Variants in MAML3 observed in about 807,000 individuals in gnomAD.
The protein encoded by MAML3 is mastermind like transcriptional coactivator 3.
In MAML3, 27 loss-of-function variants were observed where a neutral mutation model predicts 101.9. The observed-to-expected ratio is 0.27, with a 90% CI of 0.20 to 0.37. MAML3 has a LOEUF of 0.37. Among genes scored for constraint, MAML3 ranks in the 10% least tolerant of loss-of-function variants. The pLI, the probability that MAML3 is intolerant of heterozygous loss-of-function variation, is 1.00. For missense variants in MAML3, 1,316 were observed against 1,444.9 expected, an observed-to-expected ratio of 0.91 and a Z score of 1.45; for synonymous variants, 501 against 555.9, an observed-to-expected ratio of 0.90 and a Z score of 1.39.
chr4:140,024,590 G>T (rs1446578694), intron 1 of MAML3, among the ~76,000 whole-genome samples: 1 of 152,178 alleles, frequency 6.6e-6, no homozygotes, highest in Admixed American at 6.5e-5. Flanking sequence ...GACTCCAGCA[G>T]TCTTTGCTCT....
chr4:140,150,357 A>G (rs1390945181), intron 1 of MAML3, among the ~76,000 whole-genome samples: 1 of 152,130 alleles, frequency 6.6e-6, no homozygotes, highest in Non-Finnish European at 1.5e-5. Flanking sequence ...CTGCGAGTGT[A>G]TCACAAACCA....
At chr4:140,072,001 C>T (rs1443534819) in intron 1 of MAML3, among the ~76,000 whole-genome samples, 1 of 152,156 alleles carries the variant, frequency 6.6e-6, no homozygotes, top group Non-Finnish European at 1.5e-5. Flanking sequence ...GGAGAACAGA[C>T]AGCCTGTTGT....
chr4:139,782,042 G>A (rs1395439054), intron 2 of MAML3, among the ~76,000 whole-genome samples: 4 of 152,118 alleles, frequency 2.6e-5, no homozygotes, highest in African/African-American at 9.7e-5. Context: ...GGAGTGGAAG[G>A]GAGGGGACAA....
In MAML3 at chr4:139,719,092, G is replaced by A. The variant is rs1411865791; in HGVS notation, c.*231C>T. The A allele has an allele frequency of 1.4e-5, 7 of 502,440 alleles. No homozygotes were observed. The highest frequency in any genetic ancestry group is 9.7e-5 in the South Asian group (3 of 31,010). 31.1% of individuals were successfully genotyped at this position (502,440 alleles called of 1,614,324 possible). A position where few individuals can be genotyped will look rare whatever the true frequency, so the allele number is the denominator to read the frequency against. On this transcript the variant is annotated 3_prime_UTR_variant, in exon 5 of 5. Transcript: ENST00000509479. ...GCTCCTCCGGGTGTCTCCCTCTCTC[G>A]CAGCCGGGATCTGCATGGCGTCTCA...
chr4:139,818,646 G>A (rs1730928117), intron 2 of MAML3, among the ~76,000 whole-genome samples: 1 of 152,198 alleles, frequency 6.6e-6, no homozygotes, highest in Non-Finnish European at 1.5e-5. Context: ...GTCATTGTCA[G>A]AACGAAGGAA....
At chr4:139,783,333 A>G (rs942132371) in intron 2 of MAML3, among the ~76,000 whole-genome samples, 7 of 152,130 alleles carry the variant, frequency 4.6e-5, no homozygotes, top group African/African-American at 1.7e-4. Flanking sequence ...TCCTGGAGTC[A>G]GGTCCTAATT....
intron 2 of MAML3, among the ~76,000 whole-genome samples, chr4:139,849,942 T>C (rs1372738168): frequency 1.3e-5 from 2 of 152,214 alleles, no homozygotes; most frequent in Non-Finnish European, 2.9e-5. Flanking sequence ...ATGCTAACTA[T>C]AAACAAATAT....
At chr4:140,114,282 TCAC>T (rs1728484085) in intron 1 of MAML3, among the ~76,000 whole-genome samples, 1 of 152,206 alleles carries the variant, frequency 6.6e-6, no homozygotes, top group South Asian at 2.1e-4. Context: ...TGGAGAAATC[TCAC>T]CAGCTACTTT....
intron 2 of MAML3, among the ~76,000 whole-genome samples, chr4:139,755,380 G>A (rs548829343): frequency 1.3e-5 from 2 of 152,238 alleles, no homozygotes; most frequent in South Asian, 2.1e-4. Flanking sequence ...AGGCTGAGGC[G>A]GGTGGATCAC....
At chr4:139,862,638 C>T (rs950278912) in intron 2 of MAML3, among the ~76,000 whole-genome samples, 2 of 152,222 alleles carry the variant, frequency 1.3e-5, no homozygotes, top group African/African-American at 4.8e-5. Context: ...TCCTCCTCTT[C>T]ACTATCTCTG....
chr4:139,826,662 T>C (rs1731065841), intron 2 of MAML3, among the ~76,000 whole-genome samples: 1 of 152,190 alleles, frequency 6.6e-6, no homozygotes, highest in South Asian at 2.1e-4. Context: ...TGTAACATAA[T>C]TGCCTGCTAG....
At chr4:140,002,354 T>C (rs1330403652) in intron 1 of MAML3, among the ~76,000 whole-genome samples, 2 of 152,240 alleles carry the variant, frequency 1.3e-5, no homozygotes, top group African/African-American at 4.8e-5. Context: ...CTCTACCTGA[T>C]GTCTGCCCTG....
intron 2 of MAML3, among the ~76,000 whole-genome samples, chr4:139,779,773 T>C (rs1730165070): frequency 6.6e-6 from 1 of 152,118 alleles, no homozygotes; most frequent in South Asian, 2.1e-4. Flanking sequence ...TTTTGGAAAA[T>C]AAAAGTCATG....
chr4:139,731,947 A>C (rs1266765406), intron 2 of MAML3, among the ~76,000 whole-genome samples: 8 of 152,222 alleles, frequency 5.3e-5, no homozygotes, highest in African/African-American at 1.9e-4. Context: ...ACTACCTAGC[A>C]GTGGCAAGTA....
chr4:139,775,217 C>T (rs958869858), intron 2 of MAML3, among the ~76,000 whole-genome samples: 1 of 151,806 alleles, frequency 6.6e-6, no homozygotes, highest in African/African-American at 2.4e-5. Context: ...ATTTTCTCCT[C>T]CTTGACTGCA....
chr4:140,042,088 T>C lies in MAML3; in HGVS notation c.468+110772A>G, dbSNP rs139239411. Among the ~76,000 whole-genome samples, 202 of 152,314 alleles carry C rather than the reference T, an allele frequency of 1.3e-3. 1 individual carries two copies. Among genetic ancestry groups the C allele is most frequent in the African/African-American group, 4.5e-3 (189 of 41,572 alleles). On this transcript the variant is annotated intron_variant, in intron 1 of 4. Transcript: ENST00000509479. Reference sequence around the variant, plus strand: ...CATTTTACTAATAAGAAATAAGTAATGTACCCAAATTATGCAGTCAGGAAA... The same window carrying C: ...CATTTTACTAATAAGAAATAAGTAACGTACCCAAATTATGCAGTCAGGAAA...
intron 1 of MAML3, among the ~76,000 whole-genome samples, chr4:139,925,360 G>A (rs1002578346): frequency 6.6e-6 from 1 of 152,152 alleles, no homozygotes; most frequent in African/African-American, 2.4e-5. Flanking sequence ...CTCCTGAGTA[G>A]CTGAGATTAC....
At chr4:139,771,784 G>T (rs1446219129) in intron 2 of MAML3, among the ~76,000 whole-genome samples, 1 of 152,134 alleles carries the variant, frequency 6.6e-6, no homozygotes, top group African/African-American at 2.4e-5. Context: ...CAGGTGCTTT[G>T]AAGATGTAGC....
intron 2 of MAML3, among the ~76,000 whole-genome samples, chr4:139,796,249 G>T (rs1432955428): frequency 6.6e-6 from 1 of 152,150 alleles, no homozygotes. Flanking sequence ...ATCTACTAGG[G>T]CTTTATAGAG....
Sources: gnomAD v4.1 joint callset for allele counts (sites outside exome capture counted in the v4.1 genomes callset) on GRCh38, gnomAD v4.1.1 for gene constraint, MANE v1.5 for transcripts, NCBI Gene and HGNC (gene_info 2026-07-23, HGNC 2026-07-21) for gene names.